The following C11orf52 variants were observed in gnomAD, a reference collection of about 807,000 sequenced individuals.
The protein encoded by C11orf52 is uncharacterized protein C11orf52.
In C11orf52, 9 loss-of-function variants were observed where a neutral mutation model predicts 11.7. That is an observed-to-expected ratio of 0.77 (90% confidence interval 0.46 to 1.34). C11orf52 has a LOEUF of 1.34. Ranked by LOEUF, C11orf52 falls within the 40% of genes most tolerant of loss-of-function variation. C11orf52 has a pLI of 0.00. For missense variants in C11orf52, 139 were observed against 154.8 expected (o/e 0.90, Z 0.54); for synonymous variants, 49 against 57.4 (o/e 0.85, Z 0.66).
chr11:111,925,720 G>T lies in C11orf52; in HGVS notation c.132+6G>T. ...TGCAGCAGAATCTCCCAAAGGTAAT[G>T]ACAGGTCTCTGTCCCCTCTCTGGGG... On this transcript the variant is annotated splice_donor_region_variant and intron_variant, in intron 3 of 3. Coordinates refer to ENST00000278601, the MANE Select transcript of C11orf52 (RefSeq NM_080659.3). The T allele has an allele frequency of 6.2e-7, 1 of 1,614,204 alleles. No individual in the cohort carries two copies. The highest frequency in any genetic ancestry group is 8.5e-7 in the Non-Finnish European group (1 of 1,180,016).
At chr11:111,920,638 C>T (rs916259281) in intron 1 of C11orf52, among the ~76,000 whole-genome samples, 1 of 152,058 alleles carries the variant, frequency 6.6e-6, no homozygotes, top group African/African-American at 2.4e-5. Flanking sequence ...GTGGTGCGTG[C>T]TTGTAATCCC....
chr11:111,921,885 T>C (rs1277755399), intron 1 of C11orf52, among the ~76,000 whole-genome samples: 2 of 152,070 alleles, frequency 1.3e-5, no homozygotes, highest in African/African-American at 2.4e-5. Context: ...CAGTATGGAG[T>C]GCAGTGGCAC....
chr11:111,920,756 C>T (rs1378085286), intron 1 of C11orf52, among the ~76,000 whole-genome samples: 2 of 151,740 alleles, frequency 1.3e-5, no homozygotes, highest in African/African-American at 4.8e-5. Flanking sequence ...AGAATGAGAC[C>T]CTGTCTCAAA....
chr11:111,926,245 G>T lies in C11orf52; in HGVS notation c.*46G>T, dbSNP rs11214045. 11,045 of 1,602,380 alleles carry T rather than the reference G, an allele frequency of 6.9e-3. 694 individuals are homozygous for T. In the African/African-American group the frequency reaches 0.13, roughly 19 times the overall value. ...GTCCATCGTTAACCACTACACCTGT[G>T]GGGGAGAACCTACTGCTTTGGGGAA... is the stretch of plus-strand genomic sequence containing the variant. On this transcript the variant is annotated 3_prime_UTR_variant, in exon 4 of 4. Transcript: ENST00000278601.
At chr11:111,920,793 A>C (rs1463589341) in intron 1 of C11orf52, among the ~76,000 whole-genome samples, 9 of 152,150 alleles carry the variant, frequency 5.9e-5, no homozygotes, top group Admixed American at 5.9e-4. Context: ...AAAGGGCAGA[A>C]GTAGGAAAAA....
Position 111,919,001 on chromosome 11 carries a change from G to T in C11orf52, c.29G>T (p.Ser10Ile), listed in dbSNP as rs1392185328. The change falls in exon 1 of 4, where the codon AGC (serine) becomes ATC (isoleucine). Residue 10 changes from serine to isoleucine, a missense_variant. By Grantham distance (142) the Ser-to-Ile change is moderately radical. Coordinates refer to ENST00000278601, the MANE Select transcript of C11orf52 (RefSeq NM_080659.3). MGNRVCCGG[S>I]WSCPSTFQKK... ...GGAAACCGGGTCTGCTGCGGAGGAAGCTGGTGAGTAGGCTGGAAGGGCAAA... is the reference window on the plus strand; with the variant it reads ...GGAAACCGGGTCTGCTGCGGAGGAATCTGGTGAGTAGGCTGGAAGGGCAAA... 6.2e-7 allele frequency: 1 copy of T among 1,614,124 alleles called. No homozygotes were observed. Among genetic ancestry groups the T allele is most frequent in the Non-Finnish European group, 8.5e-7 (1 of 1,180,048 alleles).
intron 1 of C11orf52, among the ~76,000 whole-genome samples, chr11:111,920,345 G>A (rs1446769058): frequency 6.6e-6 from 1 of 151,900 alleles, no homozygotes; most frequent in African/African-American, 2.4e-5. Context: ...AGACCAGCCT[G>A]GCCAACATGG....
At position 111,926,091 on chromosome 11, in the gene C11orf52, T is replaced by C; in HGVS notation, c.264T>C (p.His88=). The part of the protein sequence containing the change: ...YADIQVCSRP[H]AREVKHVHLE... Reference sequence around the variant, plus strand: ...ACATTCAAGTGTGCAGCCGTCCCCATGCCCGGGAAGTGAAACACGTGCATT... The same window carrying C: ...ACATTCAAGTGTGCAGCCGTCCCCACGCCCGGGAAGTGAAACACGTGCATT... The change falls in exon 4 of 4, where the codon CAT becomes CAC. Residue 88 remains histidine, a synonymous_variant. Transcript: ENST00000278601. 1 of 1,614,230 alleles carries C rather than the reference T, an allele frequency of 6.2e-7. No homozygotes were observed. The highest frequency in any genetic ancestry group is 8.5e-7 in the Non-Finnish European group (1 of 1,180,030).
At chr11:111,921,414 C>G (rs373263785) in intron 1 of C11orf52, among the ~76,000 whole-genome samples, 1 of 152,148 alleles carries the variant, frequency 6.6e-6, no homozygotes, top group African/African-American at 2.4e-5. Context: ...TACGTAGCCA[C>G]TTCATAAAGA....
rs587718680 is a variant in C11orf52 at position 111,919,011 on chromosome 11, A to G, written c.32+7A>G. 1.2e-6 allele frequency: 2 copies of G among 1,614,194 alleles called. No homozygotes were observed. The highest frequency in any genetic ancestry group is 1.7e-5 in the Admixed American group (1 of 60,018). On this transcript the variant is annotated splice_region_variant and intron_variant, in intron 1 of 3. Coordinates refer to ENST00000278601, the MANE Select transcript of C11orf52 (RefSeq NM_080659.3). ...TCTGCTGCGGAGGAAGCTGGTGAGT[A>G]GGCTGGAAGGGCAAAGGGGAACATC...
intron 3 of C11orf52, 46 bp from the exon 4 acceptor site, chr11:111,925,914 C>T (rs781957450): frequency 5.6e-5 from 90 of 1,609,822 alleles, no homozygotes; most frequent in Admixed American, 4.3e-4. Flanking sequence ...AGGTGAGGGG[C>T]AAAACCAAGC....
chr11:111,925,759 G>C (rs1965789884), intron 3 of C11orf52, 45 bp downstream of exon 3: 13 of 1,607,162 alleles, frequency 8.1e-6, no homozygotes, highest in Non-Finnish European at 1.1e-5. Context: ...CTCGGACATG[G>C]GATCCCAGTA....
At chr11:111,921,143 T>A (rs1309861514) in intron 1 of C11orf52, among the ~76,000 whole-genome samples, 1 of 152,238 alleles carries the variant, frequency 6.6e-6, no homozygotes, top group Non-Finnish European at 1.5e-5. Context: ...TCATTATATT[T>A]AGATAGACAA....
chr11:111,922,599 A>G lies in C11orf52; in HGVS notation c.33-1727A>G, dbSNP rs141501177. On this transcript the variant is annotated intron_variant, in intron 1 of 3. Transcript: ENST00000278601. ...ATACCTTTTTACTAACTTAATAAAA[A>G]GTAAAATTTTCCATGATGTTCGGTG... 1.8e-3 allele frequency among the ~76,000 whole-genome samples: 280 copies of G among 152,354 alleles called. 1 individual carries two copies. Among genetic ancestry groups the G allele is most frequent in the South Asian group, 0.012 (58 of 4,828 alleles).
At chr11:111,924,526 A>G (rs1429434692) in intron 2 of C11orf52, among the ~76,000 whole-genome samples, 163 bp downstream of exon 2, 1 of 152,048 alleles carries the variant, frequency 6.6e-6, no homozygotes, top group Non-Finnish European at 1.5e-5. Context: ...CTAGTTCTGA[A>G]CCTCTGGATC....
At chr11:111,924,117 C>A (rs1555166731) in intron 1 of C11orf52, 1 of 502,336 alleles carries the variant, frequency 2.0e-6, no homozygotes, top group East Asian at 3.1e-5. Context: ...GTCAGTTGTA[C>A]TACTCCACCT....
At position 111,925,691 on chromosome 11, in the gene C11orf52, C is replaced by G. The variant is rs202170534; in HGVS notation, c.109C>G (p.Gln37Glu). The change falls in exon 3 of 4, where the codon CAG (glutamine) becomes GAG (glutamate). Residue 37 changes from glutamine (Q) to glutamate (E), a missense_variant. Gln to Glu is a conservative substitution (Grantham distance 29). Coordinates refer to ENST00000278601, the MANE Select transcript of C11orf52 (RefSeq NM_080659.3). ...TRRTLKPQPQ[Q>E]LQQNLPKGHE... ...ACGGACACTGAAGCCGCAGCCACAA[C>G]AGCTGCAGCAGAATCTCCCAAAGGT... 3.0e-4 allele frequency: 482 copies of G among 1,614,246 alleles called. No homozygotes were observed. Among genetic ancestry groups the G allele is most frequent in the Non-Finnish European group, 3.9e-4 (459 of 1,180,046 alleles).
chr11:111,923,884 C>A (rs73560040), intron 1 of C11orf52, among the ~76,000 whole-genome samples: 5,505 of 152,054 alleles, frequency 0.036, 326 homozygotes, highest in African/African-American at 0.13. Context: ...TTCCATGACT[C>A]CCAGAATAAA....
In C11orf52 at chr11:111,924,361, C is replaced by G. The variant is rs7124407; in HGVS notation, c.68C>G (p.Thr23Arg). 0.34 allele frequency: 552,165 copies of G among 1,609,232 alleles called. 98,508 individuals are homozygous for G. The highest frequency in any genetic ancestry group is 0.57 in the East Asian group (25,469 of 44,772). The change falls in exon 2 of 4, where the codon ACA (threonine) becomes AGA (arginine). Residue 23 changes from threonine (T) to arginine (R), a missense_variant and splice_region_variant. Transcript: ENST00000278601. ...TCAACTTTCCAGAAGAAAAAGAAAA[C>G]AGGTAACTTTGGGGCTGGGGGAGGG... ...CPSTFQKKKK[T>R]GSQTRRTLKP...
Sources: gnomAD v4.1 joint callset for allele counts (sites outside exome capture counted in the v4.1 genomes callset) on GRCh38, gnomAD v4.1.1 for gene constraint, MANE v1.5 for transcripts, NCBI Gene and HGNC (gene_info 2026-07-23, HGNC 2026-07-21) for gene names.